Variants in NCKAP5 observed in about 807,000 individuals in gnomAD.
NCKAP5 encodes the protein nck-associated protein 5.
Under a neutral mutation model 167.0 loss-of-function variants are expected in NCKAP5, and 92 were observed. The observed-to-expected ratio is 0.55, with a 90% confidence interval of 0.47 to 0.66. The LOEUF is 0.66. NCKAP5 is among the 30% of genes least tolerant of loss of function. NCKAP5 has a pLI of 0.00. For missense variants in NCKAP5, 2,378 were observed against 2,315.0 expected, an observed-to-expected ratio of 1.03 and a Z score of -0.56; for synonymous variants, 891 against 877.4, an observed-to-expected ratio of 1.02 and a Z score of -0.27.
chr2:132,682,443 C>A (rs1685354955), intron 19 of NCKAP5, among the ~76,000 whole-genome samples: 1 of 152,108 alleles, frequency 6.6e-6, no homozygotes, highest in South Asian at 2.1e-4. Flanking sequence ...CAAGTACCTA[C>A]AATGTACCAG....
At chr2:133,103,307 T>G (rs1262105984) in intron 6 of NCKAP5, among the ~76,000 whole-genome samples, 4 of 152,212 alleles carry the variant, frequency 2.6e-5, no homozygotes, top group Non-Finnish European at 5.9e-5. Context: ...ATGAAGGCTC[T>G]GAACATAGAC....
chr2:132,943,155 T>C (rs1289257146), intron 8 of NCKAP5, among the ~76,000 whole-genome samples: 1 of 152,242 alleles, frequency 6.6e-6, no homozygotes, highest in Non-Finnish European at 1.5e-5. Flanking sequence ...TGTCTTCCTC[T>C]GGACATACCC....
intron 11 of NCKAP5, among the ~76,000 whole-genome samples, chr2:132,841,677 G>T (rs945699783): frequency 6.6e-6 from 1 of 151,976 alleles, no homozygotes; most frequent in Non-Finnish European, 1.5e-5. Context: ...ATACTTAATT[G>T]GTTTCCATCT....
intron 18 of NCKAP5, among the ~76,000 whole-genome samples, chr2:132,727,879 G>A (rs1690616970): frequency 6.6e-6 from 1 of 152,210 alleles, no homozygotes; most frequent in African/African-American, 2.4e-5. Flanking sequence ...GATGCTCAAG[G>A]TTGAAAGGTG....
chr2:133,121,306 A>T (rs2082243264), intron 6 of NCKAP5, among the ~76,000 whole-genome samples: 1 of 152,166 alleles, frequency 6.6e-6, no homozygotes, highest in African/African-American at 2.4e-5. Flanking sequence ...TTTTTTTAAC[A>T]GATGCACAAG....
chr2:133,234,428 C>A (rs942947899), intron 4 of NCKAP5, among the ~76,000 whole-genome samples: 2 of 152,118 alleles, frequency 1.3e-5, no homozygotes, highest in African/African-American at 4.8e-5. Flanking sequence ...AACTATGAGA[C>A]CATTAGTTCT....
the NCKAP5 span, among the ~76,000 whole-genome samples, chr2:133,645,311 C>T: frequency 5.9e-5 from 9 of 152,060 alleles, no homozygotes; most frequent in Non-Finnish European, 1.5e-5. Context: ...GGATTATAAA[C>T]AAAATTCAAT....
At chr2:132,876,845 G>C (rs1215160486) in intron 9 of NCKAP5, among the ~76,000 whole-genome samples, 1 of 152,154 alleles carries the variant, frequency 6.6e-6, no homozygotes, top group Non-Finnish European at 1.5e-5. Context: ...CTGATGAAAC[G>C]TACGGAGTGC....
intron 12 of NCKAP5, among the ~76,000 whole-genome samples, chr2:132,792,066 T>TTTGTG (rs1054651357): frequency 1.3e-5 from 2 of 149,676 alleles, no homozygotes; most frequent in African/African-American, 5.0e-5. Flanking sequence ...TTTGTTTTGT[T>TTTGTG]TTTCAGATGG....
At chr2:133,459,436 G>A (rs111740713) in intron 3 of NCKAP5, among the ~76,000 whole-genome samples, 113 of 152,222 alleles carry the variant, frequency 7.4e-4, no homozygotes, top group African/African-American at 2.3e-3. Flanking sequence ...GGGTTCCTCT[G>A]GGGCCTATCA....
At chr2:132,865,128 A>C (rs1325313225) in intron 10 of NCKAP5, among the ~76,000 whole-genome samples, 2 of 152,164 alleles carry the variant, frequency 1.3e-5, no homozygotes, top group African/African-American at 2.4e-5. Context: ...AGACTTTTGT[A>C]ACATGAAAAG....
intron 6 of NCKAP5, among the ~76,000 whole-genome samples, chr2:133,014,521 T>C (rs1455006053): frequency 6.6e-6 from 1 of 152,234 alleles, no homozygotes; most frequent in Non-Finnish European, 1.5e-5. Context: ...TATGGCACAA[T>C]ACAGGTACCA....
At chr2:133,373,911 A>G (rs1188223333) in intron 3 of NCKAP5, among the ~76,000 whole-genome samples, 2 of 152,252 alleles carry the variant, frequency 1.3e-5, no homozygotes, top group Non-Finnish European at 2.9e-5. Context: ...CACAACATTT[A>G]CAAAAACTAA....
At chr2:132,993,866 CCA>C (rs1290780173) in intron 7 of NCKAP5, among the ~76,000 whole-genome samples, 1 of 152,222 alleles carries the variant, frequency 6.6e-6, no homozygotes, top group Non-Finnish European at 1.5e-5. Context: ...TTAGTCCTGG[CCA>C]CAGAGTACTG....
intron 11 of NCKAP5, among the ~76,000 whole-genome samples, chr2:132,846,919 A>G (rs1688703904): frequency 6.6e-6 from 1 of 151,864 alleles, no homozygotes; most frequent in South Asian, 2.1e-4. Context: ...CCATTTTATT[A>G]TTCCAGAGAA....
chr2:133,640,435 T>A, the NCKAP5 span, among the ~76,000 whole-genome samples: 9 of 152,290 alleles, frequency 5.9e-5, no homozygotes, highest in Middle Eastern at 3.4e-3. Flanking sequence ...TCCACAGTGA[T>A]CTGGAGTCAT....
At chr2:133,597,613 G>A in the NCKAP5 span, among the ~76,000 whole-genome samples, 1 of 140,438 alleles carries the variant, frequency 7.1e-6, no homozygotes, top group African/African-American at 2.7e-5. Context: ...AGGTTGCAGT[G>A]AGCCAAGATC....
intron 8 of NCKAP5, among the ~76,000 whole-genome samples, chr2:132,957,887 A>G (rs2076389002): frequency 6.6e-6 from 1 of 152,172 alleles, no homozygotes; most frequent in African/African-American, 2.4e-5. Flanking sequence ...TTCCACACTC[A>G]GTCTATTACC....
intron 14 of NCKAP5, 76 bp from the exon 15 acceptor site, chr2:132,781,305 A>C: frequency 7.1e-7 from 1 of 1,411,494 alleles, no homozygotes; most frequent in Non-Finnish European, 9.5e-7. Flanking sequence ...CAATCTTTTT[A>C]ATATTTAAAG....
Sources: allele counts gnomAD v4.1 joint callset (sites outside exome capture counted in the v4.1 genomes callset), GRCh38; gene constraint gnomAD v4.1.1; transcripts MANE v1.5; gene names NCBI Gene and HGNC (gene_info 2026-07-23, HGNC 2026-07-21).